The following LRRC38 variants were observed in gnomAD, a reference collection of about 807,000 sequenced individuals.
LRRC38 encodes the protein leucine rich repeat containing 38.
LRRC38 carries 5 observed loss-of-function variants against 16.4 expected under a neutral mutation model. That is an observed-to-expected ratio of 0.31 (90% CI 0.16 to 0.64). The LOEUF (loss-of-function observed/expected upper bound fraction) is 0.64, where lower values mean the gene tolerates loss of function less well. Among genes scored for constraint, LRRC38 ranks in the 30% least tolerant of loss-of-function variants. The pLI, the probability that LRRC38 is intolerant of heterozygous loss-of-function variation, is 0.80. For synonymous variants in LRRC38, 191 were observed against 190.2 expected (o/e 1.00, Z -0.04); for missense variants, 341 against 401.8 (o/e 0.85, Z 1.29).
At chr1:13,481,022 C>G (rs1419158425) in intron 1 of LRRC38, among the ~76,000 whole-genome samples, 2 of 152,126 alleles carry the variant, frequency 1.3e-5, no homozygotes, top group African/African-American at 4.8e-5. Context: ...GCCCTAGCCC[C>G]CAGTGTGATG....
chr1:13,496,535 C>A (rs918650328), intron 1 of LRRC38, among the ~76,000 whole-genome samples: 7 of 152,100 alleles, frequency 4.6e-5, no homozygotes, highest in Non-Finnish European at 1.0e-4. Context: ...CAACAAGAAC[C>A]AGTTTACCAT....
chr1:13,489,757 C>T (rs1638985545), intron 1 of LRRC38, among the ~76,000 whole-genome samples: 1 of 152,168 alleles, frequency 6.6e-6, no homozygotes, highest in Non-Finnish European at 1.5e-5. Context: ...GTGTTCTCCA[C>T]CACCACTTTC....
At chr1:13,482,972 G>A (rs1314009815) in intron 1 of LRRC38, among the ~76,000 whole-genome samples, 1 of 152,080 alleles carries the variant, frequency 6.6e-6, no homozygotes, top group African/African-American at 2.4e-5. Flanking sequence ...CTTGCCCGGG[G>A]CCATGTAGCA....
chr1:13,513,431 G>T lies in LRRC38; in HGVS notation c.163C>A (p.Pro55Thr). The change falls in exon 1 of 2, where the codon CCC becomes ACC. Residue 55 changes from proline (P) to threonine (T), a missense_variant. Transcript: ENST00000376085. The stretch of plus-strand genomic sequence containing the variant: ...ACCAGCAGCTTGCGCACGTCCAGGG[G>T]GAAAGGGTCTGGCACGCTGGGCAGC... ...RGLPSVPDPF[P>T]LDVRKLLVAG... is the part of the protein sequence containing the mutation. 1 of 1,550,114 alleles carries T rather than the reference G, an allele frequency of 6.5e-7. No homozygotes were observed. The highest frequency in any genetic ancestry group is 8.7e-7 in the Non-Finnish European group (1 of 1,146,706).
At chr1:13,497,150 G>A (rs1025677986) in intron 1 of LRRC38, among the ~76,000 whole-genome samples, 3 of 152,124 alleles carry the variant, frequency 2.0e-5, no homozygotes, top group Non-Finnish European at 2.9e-5. Context: ...GCCTCTGGAA[G>A]GACTTTTACT....
At chr1:13,503,597 C>A (rs1368996004) in intron 1 of LRRC38, among the ~76,000 whole-genome samples, 1 of 152,140 alleles carries the variant, frequency 6.6e-6, no homozygotes, top group Non-Finnish European at 1.5e-5. Flanking sequence ...TACCTATATT[C>A]TCTGCTGACT....
chr1:13,475,556 T>C lies in LRRC38; in HGVS notation c.*290A>G. On this transcript the variant is annotated 3_prime_UTR_variant, in exon 2 of 2. Coordinates refer to ENST00000376085, the MANE Select transcript of LRRC38 (RefSeq NM_001010847.2). The surrounding 1 kb of genome is among the most constrained non-coding windows in gnomAD (Gnocchi z 4.3). The stretch of plus-strand genomic sequence containing the variant: ...CTGGGGGAGGCTTTTAGTCATCAGC[T>C]ATGAAGCCTGACTCGGTCATCTTCT... 2.6e-6 allele frequency: 1 copy of C among 377,816 alleles called. No individual in the cohort carries two copies. The highest frequency in any genetic ancestry group is 4.4e-5 in the South Asian group (1 of 22,898). 23.4% of individuals were successfully genotyped at this position (377,816 alleles called of 1,614,324 possible). A position where few individuals can be genotyped will look rare whatever the true frequency, so the allele number is the denominator to read the frequency against.
chr1:13,486,572 A>G (rs1249379209), intron 1 of LRRC38, among the ~76,000 whole-genome samples: 1 of 149,602 alleles, frequency 6.7e-6, no homozygotes, highest in African/African-American at 2.5e-5. Context: ...CACCCATTAA[A>G]TATGTCTTGG....
Position 13,512,203 on chromosome 1 carries a change from C to T in LRRC38, c.631+760G>A, listed in dbSNP as rs577596961. On this transcript the variant is annotated intron_variant, in intron 1 of 1. Coordinates refer to ENST00000376085, the MANE Select transcript of LRRC38 (RefSeq NM_001010847.2). ...TCATCCCTGTGGATGCTGGGGTCCCCTCCTTCTCAGCTCCACCCGTGCTCC... is the reference window on the plus strand; with the variant it reads ...TCATCCCTGTGGATGCTGGGGTCCCTTCCTTCTCAGCTCCACCCGTGCTCC... Among the ~76,000 whole-genome samples the T allele has an allele frequency of 3.3e-5, 5 of 152,266 alleles. No homozygotes were observed. In the South Asian group the frequency reaches 8.3e-4, roughly 25 times the overall value.
chr1:13,513,658 G>C lies in LRRC38; in HGVS notation c.-65C>G. On this transcript the variant is annotated 5_prime_UTR_variant, in exon 1 of 2. Transcript: ENST00000376085. ...GCTCTCGGAGCGAGCCCTGGCGCGG[G>C]ACGGCGCGGTGAGGCACTGGCTGCC... The C allele has an allele frequency of 9.8e-7, 1 of 1,016,544 alleles. No individual in the cohort carries two copies. Among genetic ancestry groups the C allele is most frequent in the Non-Finnish European group, 1.2e-6 (1 of 848,998 alleles). The allele number at this position is 1,016,544 out of a possible 1,614,324, so 63.0% of individuals were successfully genotyped here. A position where few individuals can be genotyped will look rare whatever the true frequency, so the allele number is the denominator to read the frequency against.
chr1:13,509,400 C>T (rs946125550), intron 1 of LRRC38, among the ~76,000 whole-genome samples: 2 of 152,130 alleles, frequency 1.3e-5, no homozygotes, highest in African/African-American at 4.8e-5. Flanking sequence ...ATGCTCTGTG[C>T]CCCTCCAAAG....
intron 1 of LRRC38, among the ~76,000 whole-genome samples, chr1:13,503,772 C>T (rs1054136862): frequency 2.0e-5 from 3 of 152,196 alleles, no homozygotes; most frequent in East Asian, 1.9e-4. Context: ...TGTTGGAGCC[C>T]GGATTGGGAC....
chr1:13,490,134 G>T (rs1638990984), intron 1 of LRRC38, among the ~76,000 whole-genome samples: 1 of 152,116 alleles, frequency 6.6e-6, no homozygotes, highest in African/African-American at 2.4e-5. Flanking sequence ...AAGGAGCAGA[G>T]AATGATCATA....
intron 1 of LRRC38, among the ~76,000 whole-genome samples, chr1:13,478,592 C>A (rs1638814124): frequency 6.6e-6 from 1 of 152,192 alleles, no homozygotes; most frequent in Admixed American, 6.5e-5. Flanking sequence ...CTCAGGAAAA[C>A]CTTCACCTCC....
chr1:13,481,802 T>TCTCC (rs1315585865), intron 1 of LRRC38, among the ~76,000 whole-genome samples: 2 of 138,000 alleles, frequency 1.4e-5, no homozygotes, highest in Non-Finnish European at 3.0e-5. Context: ...TCTCTCTCTC[T>TCTCC]CTCTCTCTCT....
intron 1 of LRRC38, among the ~76,000 whole-genome samples, chr1:13,504,848 AAAG>A (rs905416726): frequency 7.3e-6 from 1 of 136,544 alleles, no homozygotes; most frequent in Admixed American, 7.9e-5. Context: ...GAAAGAAAGA[AAAG>A]AAAAGAAAAA....
chr1:13,512,921 G>GCCCCCCA, intron 1 of LRRC38, 42 bp downstream of exon 1: 4 of 1,246,174 alleles, frequency 3.2e-6, no homozygotes, highest in Non-Finnish European at 3.3e-6. Flanking sequence ...GCCTCTCCCT[G>GCCCCCCA]CCCCCCTCCC....
intron 1 of LRRC38, among the ~76,000 whole-genome samples, chr1:13,490,968 G>A (rs1639004781): frequency 6.6e-6 from 1 of 152,240 alleles, no homozygotes; most frequent in Non-Finnish European, 1.5e-5. Context: ...TGTCAAGCAG[G>A]CATCCTATTG....
intron 1 of LRRC38, among the ~76,000 whole-genome samples, chr1:13,507,195 C>G (rs1344676330): frequency 6.6e-6 from 1 of 152,198 alleles, no homozygotes; most frequent in Non-Finnish European, 1.5e-5. Context: ...GGCTTGGCAC[C>G]AGAAGGCCAG....
Sources: gnomAD v4.1 joint callset for allele counts (sites outside exome capture counted in the v4.1 genomes callset) on GRCh38, gnomAD v4.1.1 for gene constraint, Gnocchi (gnomAD v3.1) non-coding constraint, MANE v1.5 for transcripts, NCBI Gene and HGNC (gene_info 2026-07-23, HGNC 2026-07-21) for gene names.